The following THEMIS variants were observed in gnomAD, a reference collection of about 807,000 sequenced individuals.
THEMIS encodes protein THEMIS.
A neutral mutation model predicts 52.6 loss-of-function variants in THEMIS; 37 were observed. The observed-to-expected ratio is 0.70, with a 90% CI of 0.54 to 0.93. The LOEUF is 0.93. Among genes scored for constraint, THEMIS ranks in the 40% least tolerant of loss-of-function variants. The pLI, the probability that THEMIS is intolerant of heterozygous loss-of-function variation, is 0.00. For synonymous variants in THEMIS, 292 were observed against 272.7 expected (o/e 1.07, Z -0.70); for missense variants, 808 against 763.1 (o/e 1.06, Z -0.69).
chr6:127,799,998 A>C (rs12153861), intron 4 of THEMIS, among the ~76,000 whole-genome samples: 10,159 of 152,248 alleles, frequency 0.067, 448 homozygotes, highest in African/African-American at 0.12. Context: ...TAAAATCACA[A>C]ACGTTCTTCA....
chr6:127,836,811 C>T (rs1778886750), intron 2 of THEMIS, among the ~76,000 whole-genome samples: 1 of 152,094 alleles, frequency 6.6e-6, no homozygotes, highest in Non-Finnish European at 1.5e-5. Context: ...GTGGATTTGA[C>T]TTGGACAGGA....
At chr6:127,757,481 C>G (rs763908340) in intron 4 of THEMIS, among the ~76,000 whole-genome samples, 1 of 146,488 alleles carries the variant, frequency 6.8e-6, no homozygotes, top group Non-Finnish European at 1.5e-5. Context: ...ACACATGTCA[C>G]TTTTTTTTTT....
At chr6:127,871,749 A>C (rs1780163033) in intron 1 of THEMIS, among the ~76,000 whole-genome samples, 1 of 152,180 alleles carries the variant, frequency 6.6e-6, no homozygotes, top group Admixed American at 6.5e-5. Context: ...CTTCTCATCC[A>C]GTATGAAATA....
intron 5 of THEMIS, among the ~76,000 whole-genome samples, chr6:127,713,726 TG>T (rs1377471032): frequency 6.6e-6 from 1 of 151,866 alleles, no homozygotes; most frequent in Non-Finnish European, 1.5e-5. Context: ...TAAAATAGTC[TG>T]TGCCAGCCTT....
downstream of THEMIS, among the ~76,000 whole-genome samples, chr6:127,703,138 C>T (rs982291395): frequency 6.9e-6 from 1 of 145,360 alleles, no homozygotes; most frequent in Admixed American, 7.0e-5. Context: ...AGCTCCGCCT[C>T]CCGGGTTCAC....
chr6:127,716,770 G>T lies in THEMIS; in HGVS notation c.1894+2918C>A, dbSNP rs550087768. On this transcript the variant is annotated intron_variant, in intron 5 of 5. Coordinates refer to ENST00000368248, the MANE Select transcript of THEMIS (RefSeq NM_001010923.3). ...TATTACTAAAAATAGACCTTAAGCT[G>T]AATAAACATTGAAGCCCTGTGTTCC... Among the ~76,000 whole-genome samples, 9 of 152,078 alleles carry T rather than the reference G, an allele frequency of 5.9e-5. No individual in the cohort carries two copies. The East Asian group carries it at 1.4e-3, about 23-fold the overall frequency.
downstream of THEMIS, among the ~76,000 whole-genome samples, chr6:127,704,165 A>G (rs1365202024): frequency 6.6e-6 from 1 of 152,214 alleles, no homozygotes; most frequent in Non-Finnish European, 1.5e-5. Context: ...AGACCATAGC[A>G]TGTCCTTTAC....
chr6:127,727,569 T>G (rs999467902), intron 4 of THEMIS, among the ~76,000 whole-genome samples: 1 of 152,148 alleles, frequency 6.6e-6, no homozygotes, highest in African/African-American at 2.4e-5. Flanking sequence ...CTTAGCCTTC[T>G]GAGTATTAAA....
At chr6:127,734,103 T>A (rs777157315) in intron 4 of THEMIS, among the ~76,000 whole-genome samples, 6 of 151,814 alleles carry the variant, frequency 4.0e-5, no homozygotes, top group Non-Finnish European at 5.9e-5. Context: ...TCCAACAAAT[T>A]GAGAAAAAAA....
At chr6:127,710,962 C>T (rs1472432384) in intron 5 of THEMIS, among the ~76,000 whole-genome samples, 2 of 128,036 alleles carry the variant, frequency 1.6e-5, no homozygotes, top group South Asian at 2.9e-4. Context: ...TCCCTCCCTT[C>T]CTTCTTTCCT....
chr6:127,879,707 G>A (rs943646325), intron 1 of THEMIS, among the ~76,000 whole-genome samples: 3 of 151,470 alleles, frequency 2.0e-5, no homozygotes, highest in Non-Finnish European at 4.4e-5. Context: ...GCAGGGTGTA[G>A]AAAAAGAAAG....
chr6:127,712,679 T>A (rs1774023785), intron 5 of THEMIS, among the ~76,000 whole-genome samples: 1 of 151,918 alleles, frequency 6.6e-6, no homozygotes, highest in African/African-American at 2.4e-5. Context: ...AATTATTTCA[T>A]TCATAGAAGA....
At chr6:127,729,146 CTCTCTCT>C (rs1774659723) in intron 4 of THEMIS, among the ~76,000 whole-genome samples, 35 of 6,766 alleles carry the variant, frequency 5.2e-3, no homozygotes, top group African/African-American at 0.023. Flanking sequence ...TTTATTCTCT[CTCTCTCT>C]CTCTCTCTCT....
chr6:127,705,495 A>G (rs1009018205), downstream of THEMIS, among the ~76,000 whole-genome samples: 6 of 152,210 alleles, frequency 3.9e-5, no homozygotes, highest in Admixed American at 2.0e-4. Flanking sequence ...CTCCCTGATA[A>G]GTTACCATCC....
At chr6:127,757,704 C>T (rs549982352) in intron 4 of THEMIS, among the ~76,000 whole-genome samples, 34 of 152,136 alleles carry the variant, frequency 2.2e-4, no homozygotes, top group African/African-American at 8.0e-4. Flanking sequence ...AGGATGGTCT[C>T]GATCTCCTGA....
intron 2 of THEMIS, among the ~76,000 whole-genome samples, chr6:127,848,571 T>C (rs1318779482): frequency 6.6e-6 from 1 of 151,370 alleles, no homozygotes; most frequent in Non-Finnish European, 1.5e-5. Context: ...TTTCTCCACA[T>C]CCTCTCCAGC....
chr6:127,918,224 A>G (rs1781566054), intron 1 of THEMIS, among the ~76,000 whole-genome samples: 1 of 152,200 alleles, frequency 6.6e-6, no homozygotes, highest in Non-Finnish European at 1.5e-5. Flanking sequence ...TGCAATTAGC[A>G]TTCTAATCCT....
At chr6:127,736,026 G>A (rs956308239) in intron 4 of THEMIS, among the ~76,000 whole-genome samples, 2 of 152,188 alleles carry the variant, frequency 1.3e-5, no homozygotes, top group Non-Finnish European at 2.9e-5. Context: ...CTGACCACAT[G>A]TTTCAGTGTG....
At chr6:127,721,339 C>T (rs184500298) in intron 4 of THEMIS, among the ~76,000 whole-genome samples, 276 of 152,122 alleles carry the variant, frequency 1.8e-3, no homozygotes, top group African/African-American at 5.4e-3. Context: ...TGTATGCTGA[C>T]GGATAACTGG....
Sources: gnomAD v4.1 joint callset for allele counts (sites outside exome capture counted in the v4.1 genomes callset) on GRCh38, gnomAD v4.1.1 for gene constraint, MANE v1.5 for transcripts, NCBI Gene and HGNC (gene_info 2026-07-23, HGNC 2026-07-21) for gene names.